The following PIP4K2A variants were observed in gnomAD, a reference collection of about 807,000 sequenced individuals.
PIP4K2A encodes the protein phosphatidylinositol 5-phosphate 4-kinase type-2 alpha.
In PIP4K2A, 14 loss-of-function variants were observed where a neutral mutation model predicts 42.9. That is an observed-to-expected ratio of 0.33 (90% CI 0.22 to 0.51). PIP4K2A has a LOEUF of 0.51. PIP4K2A is among the 20% of genes least tolerant of loss of function. The probability of loss-of-function intolerance (pLI) is 0.97; values close to 1 mark genes in which losing one functional copy is unlikely to be tolerated. For missense variants in PIP4K2A, 434 were observed against 519.8 expected (o/e 0.83, Z 1.61); for synonymous variants, 192 against 192.2 (o/e 1.00, Z 0.01).
chr10:22,674,229 C>G (rs975712984), intron 1 of PIP4K2A, among the ~76,000 whole-genome samples: 5 of 152,108 alleles, frequency 3.3e-5, no homozygotes, highest in Non-Finnish European at 7.4e-5. Flanking sequence ...TGGGTATTCA[C>G]AAAGCATTAA....
chr10:22,708,936 C>T (rs1011741303), intron 1 of PIP4K2A, among the ~76,000 whole-genome samples: 4 of 152,144 alleles, frequency 2.6e-5, no homozygotes, highest in African/African-American at 9.7e-5. Flanking sequence ...GTGTGTGCCA[C>T]CATACCCATC....
At chr10:22,605,390 G>C (rs1251471484) in intron 3 of PIP4K2A, among the ~76,000 whole-genome samples, 1 of 152,126 alleles carries the variant, frequency 6.6e-6, no homozygotes, top group Non-Finnish European at 1.5e-5. Flanking sequence ...TTCTTTCAAA[G>C]TTTGTACTCA....
intron 1 of PIP4K2A, among the ~76,000 whole-genome samples, chr10:22,690,468 T>C (rs1209976294): frequency 6.6e-6 from 1 of 152,268 alleles, no homozygotes; most frequent in African/African-American, 2.4e-5. Flanking sequence ...GCCATCTTAA[T>C]GTGTTTTCCA....
chr10:22,665,529 C>T (rs1479646912), intron 1 of PIP4K2A, among the ~76,000 whole-genome samples: 2 of 151,760 alleles, frequency 1.3e-5, no homozygotes, highest in Non-Finnish European at 2.9e-5. Context: ...GCAGCCTCAA[C>T]CTCCTGGGCT....
chr10:22,568,907 C>T, intron 5 of PIP4K2A: 2 of 818,374 alleles, frequency 2.4e-6, no homozygotes, highest in Non-Finnish European at 4.0e-6. Flanking sequence ...ACTGGACACC[C>T]CTAACTATCG....
intron 7 of PIP4K2A, 125 bp downstream of exon 7, chr10:22,550,534 C>A (rs10047326): frequency 0.66 from 462,962 of 698,100 alleles, 155,594 homozygotes; most frequent in African/African-American, 0.83. Context: ...TCTGACTTCC[C>A]TAAGGTAGAG....
At chr10:22,695,140 C>A (rs756403042) in intron 1 of PIP4K2A, among the ~76,000 whole-genome samples, 14 of 152,162 alleles carry the variant, frequency 9.2e-5, no homozygotes, top group Non-Finnish European at 1.2e-4. Flanking sequence ...TCCACATAAC[C>A]TTCATTTGAA....
chr10:22,649,478 C>G (rs1838948834), intron 1 of PIP4K2A, among the ~76,000 whole-genome samples: 2 of 152,222 alleles, frequency 1.3e-5, no homozygotes, highest in African/African-American at 4.8e-5. Flanking sequence ...TCTTTTCCAC[C>G]TAAGCGCCAA....
intron 1 of PIP4K2A, among the ~76,000 whole-genome samples, chr10:22,687,843 G>C (rs942639474): frequency 3.3e-5 from 5 of 152,054 alleles, no homozygotes; most frequent in Admixed American, 2.0e-4. Flanking sequence ...TTTCTCCCAA[G>C]TATTTTCGAT....
At chr10:22,567,668 A>G in intron 6 of PIP4K2A, 183 bp downstream of exon 6, 1 of 755,274 alleles carries the variant, frequency 1.3e-6, no homozygotes, top group South Asian at 1.4e-5. Context: ...CAACAATTTG[A>G]TGAAGAGAAA....
intron 6 of PIP4K2A, among the ~76,000 whole-genome samples, chr10:22,566,291 C>T (rs960777625): frequency 3.3e-5 from 5 of 152,080 alleles, no homozygotes; most frequent in South Asian, 4.1e-4. Flanking sequence ...TTTCTCAAGC[C>T]GGCTGATGCT....
At chr10:22,569,764 C>A (rs939055382) in intron 5 of PIP4K2A, among the ~76,000 whole-genome samples, 5 of 151,992 alleles carry the variant, frequency 3.3e-5, no homozygotes, top group African/African-American at 1.2e-4. Context: ...AAATGCTGAT[C>A]ATTAGCTTGG....
intron 6 of PIP4K2A, among the ~76,000 whole-genome samples, chr10:22,558,448 T>C (rs1836606292): frequency 6.6e-6 from 1 of 152,184 alleles, no homozygotes; most frequent in Admixed American, 6.5e-5. Context: ...TAAGAGATGC[T>C]GGAGATTTAT....
intron 1 of PIP4K2A, among the ~76,000 whole-genome samples, chr10:22,635,726 T>C (rs1161742684): frequency 6.6e-6 from 1 of 152,120 alleles, no homozygotes; most frequent in African/African-American, 2.4e-5. Context: ...GAGGACCCTC[T>C]AAGGAGCTCA....
At chr10:22,657,363 T>C (rs1205311365) in intron 1 of PIP4K2A, among the ~76,000 whole-genome samples, 2 of 152,214 alleles carry the variant, frequency 1.3e-5, no homozygotes, top group African/African-American at 4.8e-5. Flanking sequence ...AAAGCACCAG[T>C]CTTCCATCAG....
intron 1 of PIP4K2A, among the ~76,000 whole-genome samples, chr10:22,651,979 T>G (rs1839004729): frequency 6.6e-6 from 1 of 152,250 alleles, no homozygotes; most frequent in South Asian, 2.1e-4. Context: ...CTATTAATAC[T>G]CACTAGTACA....
chr10:22,611,453 T>G (rs1467347694), intron 1 of PIP4K2A, among the ~76,000 whole-genome samples: 1 of 141,248 alleles, frequency 7.1e-6, no homozygotes. Flanking sequence ...CTCAAAGCAA[T>G]ATATAAGTAA....
At chr10:22,540,966 A>C (rs1468043126) in intron 8 of PIP4K2A, among the ~76,000 whole-genome samples, 1 of 152,264 alleles carries the variant, frequency 6.6e-6, no homozygotes, top group Non-Finnish European at 1.5e-5. Flanking sequence ...AGAACAAAAC[A>C]GAACTCAGAT....
intron 1 of PIP4K2A, chr10:22,691,628 C>G (rs541587518): frequency 6.6e-6 from 1 of 152,252 alleles, no homozygotes; most frequent in African/African-American, 2.4e-5. Context: ...CTACCTGATT[C>G]CACAGTGAGG....
Sources: allele counts gnomAD v4.1 joint callset (sites outside exome capture counted in the v4.1 genomes callset), GRCh38; gene constraint gnomAD v4.1.1; transcripts MANE v1.5; gene names NCBI Gene and HGNC (gene_info 2026-07-23, HGNC 2026-07-21).